Variants in CPVL observed in about 807,000 individuals in gnomAD.
The protein encoded by CPVL is carboxypeptidase vitellogenic like, also known as probable serine carboxypeptidase CPVL.
A neutral mutation model predicts 63.7 loss-of-function variants in CPVL; 51 were observed. That is an observed-to-expected ratio of 0.80 (90% CI 0.64 to 1.01). The LOEUF is 1.01. Among genes scored for constraint, CPVL ranks in the 50% least tolerant of loss-of-function variants. CPVL has a pLI of 0.00. For missense variants in CPVL, 530 were observed against 573.1 expected, an observed-to-expected ratio of 0.92 and a Z score of 0.77; for synonymous variants, 195 against 206.0, an observed-to-expected ratio of 0.95 and a Z score of 0.46.
At chr7:29,151,459 A>G (rs1793582410), upstream of CPVL, among the ~76,000 whole-genome samples, 1 of 152,180 alleles carries the variant, frequency 6.6e-6, no homozygotes, top group Non-Finnish European at 1.5e-5. Context: ...TCGGTGATTT[A>G]AGGATAAATT....
At chr7:29,177,369 G>A (rs1332954531) in intron 5 of CPVL, among the ~76,000 whole-genome samples, 1 of 151,666 alleles carries the variant, frequency 6.6e-6, no homozygotes, top group Non-Finnish European at 1.5e-5. Context: ...TTCTCCTGCC[G>A]CAATCTCCTG....
upstream of CPVL, among the ~76,000 whole-genome samples, chr7:29,148,966 G>A (rs1171756515): frequency 2.6e-5 from 4 of 152,110 alleles, no homozygotes; most frequent in Non-Finnish European, 5.9e-5. Context: ...AGCCACTGAG[G>A]GGAAAGGTGG....
intron 1 of CPVL, among the ~76,000 whole-genome samples, chr7:29,141,353 C>T (rs1268053545): frequency 6.6e-6 from 1 of 152,014 alleles, no homozygotes; most frequent in Non-Finnish European, 1.5e-5. Context: ...AGTTGGAGAC[C>T]AGCCTGGCCA....
intron 6 of CPVL, among the ~76,000 whole-genome samples, chr7:29,089,475 T>A (rs1426566224): frequency 6.6e-6 from 1 of 151,950 alleles, no homozygotes; most frequent in Non-Finnish European, 1.5e-5. Flanking sequence ...AGGTAAGAGG[T>A]GGGACTCAAC....
intron 5 of CPVL, among the ~76,000 whole-genome samples, chr7:29,172,649 C>A (rs747494234): frequency 4.6e-5 from 7 of 152,060 alleles, no homozygotes; most frequent in Non-Finnish European, 8.8e-5. Flanking sequence ...TAACAGATTC[C>A]TTTTTTTAAA....
At chr7:29,088,712 C>T (rs985259877) in intron 6 of CPVL, among the ~76,000 whole-genome samples, 2 of 152,032 alleles carry the variant, frequency 1.3e-5, no homozygotes, top group Non-Finnish European at 2.9e-5. Context: ...CATAAGTGGC[C>T]GGGCGCGGTG....
intron 7 of CPVL, among the ~76,000 whole-genome samples, chr7:29,073,467 G>A (rs1167167771): frequency 2.0e-5 from 3 of 152,036 alleles, no homozygotes; most frequent in Non-Finnish European, 4.4e-5. Flanking sequence ...AAGGCATAAG[G>A]GCTGACATGA....
intron 7 of CPVL, among the ~76,000 whole-genome samples, chr7:29,075,295 AG>A (rs1784131472): frequency 6.6e-6 from 1 of 152,084 alleles, no homozygotes; most frequent in South Asian, 2.1e-4. Context: ...ACACCCACTC[AG>A]TTTTTGAGCA....
intron 5 of CPVL, among the ~76,000 whole-genome samples, 186 bp from the exon 6 acceptor site, chr7:29,092,888 C>T (rs1333978091): frequency 6.6e-6 from 1 of 152,132 alleles, no homozygotes; most frequent in Non-Finnish European, 1.5e-5. Context: ...CCTATTCTCT[C>T]CACCCCCTAA....
rs149262504 is a variant in CPVL, at chr7:29,163,473, G to A, written c.-11+17817C>T. On this transcript the variant is annotated intron_variant, in intron 5 of 16. Coordinates refer to the CPVL transcript ENST00000409850. ...TTTCCTGCTCTAAGCAAAGAATATG[G>A]TACCCTGAAAATTGACACATATGTT... is the stretch of plus-strand genomic sequence containing the variant. Among the ~76,000 whole-genome samples, 1,227 of 152,016 alleles carry A rather than the reference G, an allele frequency of 8.1e-3. 19 individuals carry two copies. Among genetic ancestry groups the A allele is most frequent in the African/African-American group, 0.028 (1,149 of 41,470 alleles).
chr7:29,049,283 C>T (rs1000749827), intron 11 of CPVL, among the ~76,000 whole-genome samples: 1 of 151,624 alleles, frequency 6.6e-6, no homozygotes, highest in Non-Finnish European at 1.5e-5. Flanking sequence ...GCAAGATTAA[C>T]AAGAAGAGAG....
chr7:29,072,457 A>AAAT, intron 7 of CPVL, 34 bp from the exon 8 acceptor site: 1 of 1,604,614 alleles, frequency 6.2e-7, no homozygotes, highest in Non-Finnish European at 8.5e-7. Context: ...GGCCAATCAC[A>AAAT]AATGGATGCT....
chr7:29,107,331 G>A (rs917553523), intron 3 of CPVL, among the ~76,000 whole-genome samples: 1 of 152,206 alleles, frequency 6.6e-6, no homozygotes, highest in African/African-American at 2.4e-5. Context: ...TACCACACAG[G>A]CCACACGTTC....
chr7:29,172,815 T>A (rs571372804), intron 5 of CPVL, among the ~76,000 whole-genome samples: 53 of 152,192 alleles, frequency 3.5e-4, no homozygotes, highest in Non-Finnish European at 7.1e-4. Context: ...TATGACTCAC[T>A]AGATATCTGG....
chr7:29,072,152 C>T (rs1417561811), intron 8 of CPVL, 149 bp downstream of exon 8: 23 of 950,084 alleles, frequency 2.4e-5, no homozygotes, highest in Non-Finnish European at 3.6e-5. Context: ...TACGTTGAAA[C>T]ATTTGGTAAA....
chr7:29,077,542 T>G (rs1784352256), intron 7 of CPVL, among the ~76,000 whole-genome samples: 1 of 152,120 alleles, frequency 6.6e-6, no homozygotes, highest in African/African-American at 2.4e-5. Context: ...TGAGGGTCAT[T>G]CTAAGCTCCC....
intron 1 of CPVL, among the ~76,000 whole-genome samples, chr7:29,137,179 C>A (rs1791311493): frequency 1.3e-5 from 2 of 152,136 alleles, no homozygotes; most frequent in South Asian, 4.1e-4. Flanking sequence ...AGATTAAGGA[C>A]ATGGACACGC....
chr7:29,008,055 C>G (rs1562720171), intron 12 of CPVL, among the ~76,000 whole-genome samples: 1 of 152,010 alleles, frequency 6.6e-6, no homozygotes, highest in Non-Finnish European at 1.5e-5. Flanking sequence ...GGGGAAAGAT[C>G]AAGCATACCA....
At chr7:29,187,437 T>G (rs747097681) in intron 1 of CPVL, among the ~76,000 whole-genome samples, 24 of 152,042 alleles carry the variant, frequency 1.6e-4, no homozygotes, top group Non-Finnish European at 2.9e-4. Flanking sequence ...AAGATTCTGA[T>G]GTATGGCCAG....
Sources: gnomAD v4.1 joint callset for allele counts (sites outside exome capture counted in the v4.1 genomes callset) on GRCh38, gnomAD v4.1.1 for gene constraint, MANE v1.5 for transcripts, NCBI Gene and HGNC (gene_info 2026-07-23, HGNC 2026-07-21) for gene names.